Variants in DOCK10 observed in about 807,000 individuals in gnomAD.
DOCK10 encodes dedicator of cytokinesis protein 10.
In DOCK10, 145 loss-of-function variants were observed where a neutral mutation model predicts 280.1. That is an observed-to-expected ratio of 0.52 (90% CI 0.45 to 0.59). DOCK10 has a LOEUF of 0.59. DOCK10 is among the 20% of genes least tolerant of loss of function. DOCK10 has a pLI of 0.00. For missense variants in DOCK10, 2,368 were observed against 2,651.7 expected, an observed-to-expected ratio of 0.89 and a Z score of 2.35; for synonymous variants, 915 against 942.2, an observed-to-expected ratio of 0.97 and a Z score of 0.53.
chr2:224,906,265 C>A (rs934593800), intron 3 of DOCK10, among the ~76,000 whole-genome samples: 11 of 152,086 alleles, frequency 7.2e-5, no homozygotes, highest in African/African-American at 2.2e-4. Flanking sequence ...TAATCATGCA[C>A]CTGGACTATT....
intron 1 of DOCK10, among the ~76,000 whole-genome samples, chr2:224,990,939 T>C (rs1045570837): frequency 1.3e-5 from 2 of 152,012 alleles, no homozygotes; most frequent in Non-Finnish European, 2.9e-5. Context: ...CTAATGGGAG[T>C]GGCTTAGTGA....
chr2:224,946,208 G>C (rs1703410345), intron 1 of DOCK10, among the ~76,000 whole-genome samples: 1 of 152,178 alleles, frequency 6.6e-6, no homozygotes, highest in Non-Finnish European at 1.5e-5. Context: ...GATCTGTAAA[G>C]TTCTGTAATA....
chr2:224,811,090 C>T (rs1574860574), intron 31 of DOCK10, among the ~76,000 whole-genome samples: 1 of 152,198 alleles, frequency 6.6e-6, no homozygotes, highest in Non-Finnish European at 1.5e-5. Flanking sequence ...AACTAGTTTA[C>T]ACTCCCACCA....
At chr2:224,874,427 CA>C in intron 9 of DOCK10, 78 bp from the exon 10 acceptor site, 1 of 1,154,470 alleles carries the variant, frequency 8.7e-7, no homozygotes, top group Non-Finnish European at 1.3e-6. Context: ...GGCCAAGAAG[CA>C]GCCCCTTAGT....
At position 224,890,110 on chromosome 2, in the gene DOCK10, G is replaced by A. The variant is rs1017390145; in HGVS notation, c.417-3579C>T. Reference sequence around the variant, plus strand: ...AAGTGGAATGTCAACATTTGGCCCCGTGCTAGTCATTTCCCATCAGTTTCA... The same window carrying A: ...AAGTGGAATGTCAACATTTGGCCCCATGCTAGTCATTTCCCATCAGTTTCA... On this transcript the variant is annotated intron_variant, in intron 4 of 55. Transcript: ENST00000258390. Among the ~76,000 whole-genome samples, 9 of 152,202 alleles carry A rather than the reference G, an allele frequency of 5.9e-5. No homozygotes were observed. The South Asian group carries it at 1.2e-3, about 21-fold the overall frequency.
rs773570279 is a variant in DOCK10 at position 224,839,939 on chromosome 2, TTG to T, written c.2780+13_2780+14del. On this transcript the variant is annotated intron_variant, in intron 24 of 55. Transcript: ENST00000258390. ...CATTATAAAGTCTCTCCTCTTAAGG[TTG>T]TGTTATGGATACCTGGTGACAGTTG... 4 of 1,209,324 alleles carry T rather than the reference TTG, an allele frequency of 3.3e-6. No individual in the cohort carries two copies. In the South Asian group the frequency reaches 5.6e-5, roughly 17 times the overall value. The allele number at this position is 1,209,324 out of a possible 1,614,324, so 74.9% of individuals were successfully genotyped here. A position where few individuals can be genotyped will look rare whatever the true frequency, so the allele number is the denominator to read the frequency against.
Position 224,806,044 on chromosome 2 carries a change from G to A in DOCK10, c.3814+82C>T, listed in dbSNP as rs1249285458. 17 of 755,718 alleles carry A rather than the reference G, an allele frequency of 2.2e-5. 1 individual carries two copies. The South Asian group carries it at 2.5e-4, about 11-fold the overall frequency. 46.8% of individuals were successfully genotyped at this position (755,718 alleles called of 1,614,324 possible). On this transcript the variant is annotated intron_variant, in intron 34 of 55. Transcript: ENST00000258390. ...ACGTAGATTATGCATAATAAATTAC[G>A]GACTGAGTAAAAAGCACAATGATAT...
intron 3 of DOCK10, among the ~76,000 whole-genome samples, chr2:224,897,538 T>A (rs1273783209): frequency 1.3e-5 from 2 of 152,114 alleles, no homozygotes; most frequent in Non-Finnish European, 2.9e-5. Flanking sequence ...CCATTAGCCA[T>A]CCCCACCTCC....
At chr2:225,016,001 C>T (rs1223641724) in intron 1 of DOCK10, among the ~76,000 whole-genome samples, 1 of 152,092 alleles carries the variant, frequency 6.6e-6, no homozygotes, top group Non-Finnish European at 1.5e-5. Context: ...TTCAGTTTCC[C>T]CCATCACAGA....
At chr2:224,886,284 A>G (rs1180124754) in intron 5 of DOCK10, 99 bp from the exon 6 acceptor site, 1 of 1,541,536 alleles carries the variant, frequency 6.5e-7, no homozygotes, top group Non-Finnish European at 8.8e-7. Flanking sequence ...TCTTTGACTC[A>G]TCTTAAATAA....
chr2:224,849,573 G>C lies in DOCK10; in HGVS notation c.2169C>G (p.Pro723=). ...CTGTGTAGGCGGCTGAGGTGAAGAG[G>C]GGCCCTCCAGGTTTTCCATAAATAC... ...LKCIYGKPGG[P]LFTSAAYTAV... Residue 723 remains proline, a synonymous_variant, in exon 19 of 56, where the codon CCC becomes CCG. Transcript: ENST00000258390. The C allele has an allele frequency of 6.2e-6, 10 of 1,609,956 alleles. No homozygotes were observed. Among genetic ancestry groups the C allele is most frequent in the Non-Finnish European group, 8.5e-6 (10 of 1,178,250 alleles).
At chr2:224,853,553 T>C (rs149379891) in intron 16 of DOCK10, among the ~76,000 whole-genome samples, 1 of 152,356 alleles carries the variant, frequency 6.6e-6, no homozygotes, top group East Asian at 1.9e-4. Context: ...TAGTACCAGA[T>C]AGATTAATAG....
intron 50 of DOCK10, among the ~76,000 whole-genome samples, chr2:224,783,273 A>ATTTT (rs10713926): frequency 1.0e-4 from 15 of 143,998 alleles, no homozygotes; most frequent in Non-Finnish European, 1.2e-4. Flanking sequence ...TCAGACTGGA[A>ATTTT]TTTTTTTTTT....
chr2:224,893,250 A>G, intron 4 of DOCK10: 1 of 154,392 alleles, frequency 6.5e-6, no homozygotes, highest in South Asian at 2.0e-4. Context: ...ATGAGTATTA[A>G]ATGAGATAAT....
chr2:224,993,357 T>C (rs1182603954), intron 1 of DOCK10, among the ~76,000 whole-genome samples: 1 of 151,874 alleles, frequency 6.6e-6, no homozygotes, highest in Non-Finnish European at 1.5e-5. Flanking sequence ...TAAGGAGGAG[T>C]AAATGAGATA....
At chr2:224,905,088 G>A (rs1309947348) in intron 3 of DOCK10, among the ~76,000 whole-genome samples, 2 of 152,114 alleles carry the variant, frequency 1.3e-5, no homozygotes, top group Non-Finnish European at 2.9e-5. Flanking sequence ...ATGTGCAAGG[G>A]AAGAAGAGGA....
intron 1 of DOCK10, among the ~76,000 whole-genome samples, chr2:225,032,839 C>T (rs931114662): frequency 6.6e-6 from 1 of 152,156 alleles, no homozygotes; most frequent in African/African-American, 2.4e-5. Context: ...GTCAAATGTT[C>T]ATGTCTGGGT....
chr2:224,929,455 C>T (rs540527535), intron 2 of DOCK10, among the ~76,000 whole-genome samples: 18 of 151,950 alleles, frequency 1.2e-4, no homozygotes, highest in Non-Finnish European at 2.2e-4. Context: ...ATGAGGGTGA[C>T]GGTGTATGAT....
At chr2:224,800,619 C>T (rs1218148970) in intron 40 of DOCK10, among the ~76,000 whole-genome samples, 1 of 152,066 alleles carries the variant, frequency 6.6e-6, no homozygotes, top group African/African-American at 2.4e-5. Context: ...TCTTTATGTC[C>T]CCTCGGAAAG....
Sources: allele counts gnomAD v4.1 joint callset (sites outside exome capture counted in the v4.1 genomes callset), GRCh38; gene constraint gnomAD v4.1.1; transcripts MANE v1.5; gene names NCBI Gene and HGNC (gene_info 2026-07-23, HGNC 2026-07-21).